Variants in LTBP2 observed in about 807,000 individuals in gnomAD.
The protein encoded by LTBP2 is latent-transforming growth factor beta-binding protein 2.
Under a neutral mutation model 210.6 loss-of-function variants are expected in LTBP2, and 103 were observed. That is an observed-to-expected ratio of 0.49 (90% CI 0.42 to 0.58). LTBP2 has a LOEUF of 0.58. Among genes scored for constraint, LTBP2 ranks in the 20% least tolerant of loss-of-function variants. The pLI, the probability that LTBP2 is intolerant of heterozygous loss-of-function variation, is 0.00. For missense variants in LTBP2, 2,313 were observed against 2,494.5 expected (o/e 0.93, Z 1.55); for synonymous variants, 1,007 against 1,015.0 (o/e 0.99, Z 0.15).
intron 18 of LTBP2, among the ~76,000 whole-genome samples, chr14:74,515,325 C>T (rs1245087264): frequency 4.7e-5 from 7 of 148,808 alleles, no homozygotes; most frequent in South Asian, 2.1e-4. Flanking sequence ...GGCGTGATCT[C>T]GGCTCACTGC....
chr14:74,516,674 C>T, intron 18 of LTBP2, 148 bp downstream of exon 18: 2 of 1,090,948 alleles, frequency 1.8e-6, no homozygotes, highest in African/African-American at 1.5e-5. Flanking sequence ...CAGGAATTCT[C>T]ATAGGTGTCT....
intron 5 of LTBP2, 133 bp downstream of exon 5, chr14:74,552,758 TC>T (rs2087677284): frequency 1.7e-6 from 2 of 1,148,292 alleles, no homozygotes; most frequent in African/African-American, 3.1e-5. Context: ...AGGACTCAGC[TC>T]CCCATGTGAT....
Position 74,573,535 on chromosome 14 carries a change from C to T in LTBP2, c.830+12319G>A, listed in dbSNP as rs370046107. Among the ~76,000 whole-genome samples, 104 of 152,340 alleles carry T rather than the reference C, an allele frequency of 6.8e-4. 1 individual carries two copies. Among genetic ancestry groups the T allele is most frequent in the African/African-American group, 2.4e-3 (99 of 41,566 alleles). On this transcript the variant is annotated intron_variant, in intron 3 of 35. Coordinates refer to ENST00000261978, the MANE Select transcript of LTBP2 (RefSeq NM_000428.3). Reference sequence around the variant, plus strand: ...GGTGAGCAGTGGCTGCATTCCTCCACCAGAGGCCGCAGCCCTGTCCATGGC... The same window carrying T: ...GGTGAGCAGTGGCTGCATTCCTCCATCAGAGGCCGCAGCCCTGTCCATGGC...
At chr14:74,555,346 C>G (rs1001583792) in intron 4 of LTBP2, among the ~76,000 whole-genome samples, 157 bp downstream of exon 4, 1 of 152,114 alleles carries the variant, frequency 6.6e-6, no homozygotes, top group African/African-American at 2.4e-5. Context: ...GACCCCGGCA[C>G]AAAGCAGGTG....
intron 3 of LTBP2, among the ~76,000 whole-genome samples, chr14:74,570,696 G>T (rs918008037): frequency 6.6e-6 from 1 of 152,152 alleles, no homozygotes; most frequent in African/African-American, 2.4e-5. Flanking sequence ...CCATTTTACA[G>T]AAGAGAAAAC....
intron 1 of LTBP2, among the ~76,000 whole-genome samples, chr14:74,608,761 A>AGAAATGAAAT (rs5809674): frequency 6.7e-6 from 1 of 149,180 alleles, no homozygotes; most frequent in African/African-American, 2.5e-5. Context: ...AGAAAAGAAA[A>AGAAATGAAAT]GAAATGAAAA....
At chr14:74,519,516 T>G (rs2087175535) in intron 17 of LTBP2, among the ~76,000 whole-genome samples, 2 of 150,574 alleles carry the variant, frequency 1.3e-5, no homozygotes, top group African/African-American at 4.9e-5. Context: ...ATGATTTATA[T>G]TAATTATATA....
intron 3 of LTBP2, among the ~76,000 whole-genome samples, chr14:74,563,743 C>T (rs1247451519): frequency 6.6e-6 from 1 of 151,926 alleles, no homozygotes; most frequent in African/African-American, 2.4e-5. Flanking sequence ...ACTGGTTTTG[C>T]TCTCCAATGG....
At chr14:74,572,021 A>G (rs1218719774) in intron 3 of LTBP2, among the ~76,000 whole-genome samples, 4 of 151,854 alleles carry the variant, frequency 2.6e-5, no homozygotes, top group African/African-American at 7.3e-5. Flanking sequence ...TGAATCACAG[A>G]CACAAAACCA....
chr14:74,507,924 G>T, intron 25 of LTBP2, 49 bp downstream of exon 25: 1 of 1,610,164 alleles, frequency 6.2e-7, no homozygotes, highest in South Asian at 1.1e-5. Context: ...GCAGTGTAGA[G>T]ATGGGCAGAT....
rs761609258 is a variant in LTBP2, at chr14:74,611,857, C to A, written c.88G>T (p.Val30Leu). The change falls in exon 1 of 36, where the codon GTG (valine) becomes TTG (leucine). Residue 30 changes from valine (V) to leucine (L), a missense_variant. Coordinates refer to ENST00000261978, the MANE Select transcript of LTBP2 (RefSeq NM_000428.3). The stretch of plus-strand genomic sequence containing the variant: ...TCCCTTTGGGCATGACCCGCGCCCA[C>A]GAAGAGAGCCAGGGTGAGCGGCAGG... The part of the protein sequence containing the change: ...GFLPLTLALF[V>L]GAGHAQRDPV... 1 of 1,610,846 alleles carries A rather than the reference C, an allele frequency of 6.2e-7. No individual in the cohort carries two copies. The highest frequency in any genetic ancestry group is 1.1e-5 in the South Asian group (1 of 90,978).
chr14:74,602,151 C>A (rs1285323107), intron 2 of LTBP2, among the ~76,000 whole-genome samples: 3 of 152,160 alleles, frequency 2.0e-5, no homozygotes, highest in Non-Finnish European at 4.4e-5. Flanking sequence ...AGATCGGAGC[C>A]TGGAGTTCTG....
At chr14:74,505,406 A>G (rs964994189) in intron 28 of LTBP2, among the ~76,000 whole-genome samples, 1 of 152,204 alleles carries the variant, frequency 6.6e-6, no homozygotes, top group African/African-American at 2.4e-5. Context: ...TGTGCGATTA[A>G]GCTATTAAGC....
At chr14:74,563,090 C>A (rs2087816860) in intron 3 of LTBP2, among the ~76,000 whole-genome samples, 1 of 152,168 alleles carries the variant, frequency 6.6e-6, no homozygotes, top group African/African-American at 2.4e-5. Context: ...GACCACACAG[C>A]CAATGACTGC....
intron 1 of LTBP2, among the ~76,000 whole-genome samples, chr14:74,604,299 G>C (rs546388893): frequency 6.6e-6 from 1 of 152,070 alleles, no homozygotes; most frequent in Middle Eastern, 3.4e-3. Flanking sequence ...ACCTGCCAAC[G>C]AATGCACACT....
intron 2 of LTBP2, among the ~76,000 whole-genome samples, chr14:74,591,697 C>T (rs1658731584): frequency 2.0e-5 from 3 of 152,210 alleles, no homozygotes; most frequent in African/African-American, 7.2e-5. Context: ...AGACTCCTCT[C>T]CTCTCTCTCC....
intron 34 of LTBP2, chr14:74,502,002 C>A: frequency 3.2e-6 from 1 of 314,858 alleles, no homozygotes; most frequent in South Asian, 3.1e-5. Flanking sequence ...AGCAGAGGGG[C>A]CTCACTCAAC....
chr14:74,601,978 G>T (rs1485789789), intron 2 of LTBP2, among the ~76,000 whole-genome samples: 1 of 152,212 alleles, frequency 6.6e-6, no homozygotes, highest in Non-Finnish European at 1.5e-5. Context: ...GGATAGTCAG[G>T]TGGAGTTCCT....
intron 8 of LTBP2, among the ~76,000 whole-genome samples, chr14:74,541,897 C>G (rs1273761490): frequency 6.6e-6 from 1 of 152,096 alleles, no homozygotes; most frequent in East Asian, 1.9e-4. Flanking sequence ...TCATCCTACC[C>G]CTTGTGGCTC....
Sources: allele counts gnomAD v4.1 joint callset (sites outside exome capture counted in the v4.1 genomes callset), GRCh38; gene constraint gnomAD v4.1.1; transcripts MANE v1.5; gene names NCBI Gene and HGNC (gene_info 2026-07-23, HGNC 2026-07-21).